ST7: variants seen among roughly 807,000 people sequenced by gnomAD.
ST7 encodes suppression of tumorigenicity 7.
Under a neutral mutation model 78.7 loss-of-function variants are expected in ST7, and 28 were observed. The ratio of observed to expected loss-of-function variants is 0.36; its 90% CI spans 0.26 to 0.49. The LOEUF is 0.49. Ranked by LOEUF, ST7 falls within the 20% of genes least tolerant of loss-of-function variation. The pLI is 0.99. For synonymous variants in ST7, 247 were observed against 249.6 expected (o/e 0.99, Z 0.10); for missense variants, 418 against 696.0 (o/e 0.60, Z 4.49).
At chr7:117,061,431 A>AT (rs1798347154) in intron 1 of ST7, among the ~76,000 whole-genome samples, 1 of 152,116 alleles carries the variant, frequency 6.6e-6, no homozygotes, top group South Asian at 2.1e-4. Context: ...GGGGTAGGGG[A>AT]GGGGTAGTAG....
At chr7:117,061,028 G>T (rs1459942261) in intron 1 of ST7, among the ~76,000 whole-genome samples, 1 of 152,014 alleles carries the variant, frequency 6.6e-6, no homozygotes, top group African/African-American at 2.4e-5. Context: ...ATATAATATT[G>T]CCTTTCCCAT....
intron 9 of ST7, among the ~76,000 whole-genome samples, chr7:117,169,697 A>G (rs1417173155): frequency 2.0e-5 from 3 of 151,834 alleles, no homozygotes; most frequent in African/African-American, 4.8e-5. Context: ...TTGCTACTGT[A>G]CCTGGGCTGC....
intron 1 of ST7, among the ~76,000 whole-genome samples, chr7:116,992,956 G>C (rs753972104): frequency 1.3e-5 from 2 of 152,156 alleles, no homozygotes; most frequent in Non-Finnish European, 2.9e-5. Context: ...AATAAGAGTC[G>C]CCTTTGCTCC....
intron 1 of ST7, among the ~76,000 whole-genome samples, chr7:117,018,003 G>A (rs1795698063): frequency 6.6e-6 from 1 of 152,148 alleles, no homozygotes; most frequent in Non-Finnish European, 1.5e-5. Flanking sequence ...TTAACTCTTA[G>A]AAGCCTGTGC....
rs551826121 is a variant in ST7, at chr7:117,000,325, C to T, written c.151+46634C>T. 2.0e-5 allele frequency among the ~76,000 whole-genome samples: 3 copies of T among 152,294 alleles called. No individual in the cohort carries two copies. In the East Asian group the frequency reaches 5.8e-4, roughly 29 times the overall value. On this transcript the variant is annotated intron_variant, in intron 1 of 15. Transcript: ENST00000323984. ...GCAATAATGGAAATGTCCTGTAATA[C>T]AGTGTCTGTTGAGCTCATGTGGCTA...
intron 1 of ST7, among the ~76,000 whole-genome samples, chr7:117,053,320 G>A (rs546210400): frequency 3.3e-5 from 5 of 152,246 alleles, no homozygotes; most frequent in East Asian, 1.9e-4. Flanking sequence ...AGCCATTTCC[G>A]GGCTCTCAAC....
intron 1 of ST7, among the ~76,000 whole-genome samples, chr7:117,078,001 T>G (rs1005035212): frequency 5.3e-5 from 8 of 152,194 alleles, no homozygotes; most frequent in Non-Finnish European, 1.0e-4. Flanking sequence ...ATGCTGGAGT[T>G]GTCATTAGAG....
intron 9 of ST7, among the ~76,000 whole-genome samples, chr7:117,155,281 G>A (rs187249647): frequency 4.6e-5 from 7 of 152,262 alleles, no homozygotes; most frequent in Non-Finnish European, 8.8e-5. Context: ...GTGACTAAAG[G>A]GAAGGTCAGA....
At chr7:117,120,977 TAGAG>T (rs1439370764) in intron 3 of ST7, among the ~76,000 whole-genome samples, 1 of 152,118 alleles carries the variant, frequency 6.6e-6, no homozygotes, top group Non-Finnish European at 1.5e-5. Context: ...TTAGATCAAG[TAGAG>T]AGAGAAGGGA....
intron 1 of ST7, among the ~76,000 whole-genome samples, chr7:117,094,371 G>A (rs941038117): frequency 5.3e-5 from 8 of 152,138 alleles, no homozygotes; most frequent in African/African-American, 1.7e-4. Flanking sequence ...TTTCTATTCA[G>A]CCTACAAGTC....
chr7:117,039,112 A>G (rs1239858540), intron 1 of ST7, among the ~76,000 whole-genome samples: 1 of 151,958 alleles, frequency 6.6e-6, no homozygotes, highest in East Asian at 1.9e-4. Flanking sequence ...TTTTTTCTCT[A>G]TAAATAGATG....
chr7:117,196,066 A>G (rs1407510025), intron 12 of ST7, among the ~76,000 whole-genome samples: 1 of 152,204 alleles, frequency 6.6e-6, no homozygotes, highest in Admixed American at 6.5e-5. Flanking sequence ...CTCAAGGTTC[A>G]TCTGTGTTCT....
At chr7:117,055,719 C>T (rs1306262942) in intron 1 of ST7, among the ~76,000 whole-genome samples, 2 of 152,164 alleles carry the variant, frequency 1.3e-5, no homozygotes, top group Admixed American at 6.5e-5. Context: ...AATTACAAGT[C>T]TCCCCCTTTC....
At chr7:117,156,003 T>G (rs1471729202) in intron 9 of ST7, among the ~76,000 whole-genome samples, 1 of 152,208 alleles carries the variant, frequency 6.6e-6, no homozygotes, top group Non-Finnish European at 1.5e-5. Flanking sequence ...ATGTGTCACC[T>G]TGCAATCCTA....
At chr7:116,956,839 A>G in intron 1 of ST7, 2 of 359,490 alleles carry the variant, frequency 5.6e-6, no homozygotes, top group South Asian at 2.2e-5. Flanking sequence ...TAAGGAGTTT[A>G]CTACAAGAAT....
chr7:117,159,846 T>TTGCCC (rs1806989428), intron 9 of ST7, among the ~76,000 whole-genome samples: 1 of 150,392 alleles, frequency 6.6e-6, no homozygotes, highest in African/African-American at 2.5e-5. Flanking sequence ...TGAGCCGAGA[T>TTGCCC]CATGCCACTG....
intron 1 of ST7, among the ~76,000 whole-genome samples, chr7:117,085,888 A>T (rs999104700): frequency 6.6e-6 from 1 of 152,176 alleles, no homozygotes; most frequent in Non-Finnish European, 1.5e-5. Context: ...TTCCAATAGA[A>T]AAAAAGGCAA....
intron 9 of ST7, among the ~76,000 whole-genome samples, chr7:117,168,435 A>G (rs1807730196): frequency 6.6e-6 from 1 of 152,246 alleles, no homozygotes; most frequent in Non-Finnish European, 1.5e-5. Flanking sequence ...GTTGCAATTT[A>G]GAGAATGTCT....
intron 1 of ST7, among the ~76,000 whole-genome samples, chr7:117,037,767 C>A (rs1242196599): frequency 1.3e-5 from 2 of 152,160 alleles, no homozygotes; most frequent in African/African-American, 4.8e-5. Context: ...GGATTAAATC[C>A]AGTATCTGAC....
Sources: gnomAD v4.1 joint callset for allele counts (sites outside exome capture counted in the v4.1 genomes callset) on GRCh38, gnomAD v4.1.1 for gene constraint, MANE v1.5 for transcripts, NCBI Gene and HGNC (gene_info 2026-07-23, HGNC 2026-07-21) for gene names.